Variants in RAP1GDS1 observed in about 807,000 individuals in gnomAD.
RAP1GDS1 encodes Rap1 GTPase-GDP dissociation stimulator 1.
A neutral mutation model predicts 71.1 loss-of-function variants in RAP1GDS1; 35 were observed. The ratio of observed to expected loss-of-function variants is 0.49; its 90% CI spans 0.38 to 0.65. The LOEUF is 0.65. Among genes scored for constraint, RAP1GDS1 ranks in the 30% least tolerant of loss-of-function variants. The probability of loss-of-function intolerance (pLI) is 0.00; values close to 1 mark genes in which losing one functional copy is unlikely to be tolerated. For missense variants in RAP1GDS1, 663 were observed against 706.1 expected, an observed-to-expected ratio of 0.94 and a Z score of 0.69; for synonymous variants, 229 against 243.1, an observed-to-expected ratio of 0.94 and a Z score of 0.54.
intron 2 of RAP1GDS1, among the ~76,000 whole-genome samples, chr4:98,319,238 G>C (rs1359125038): frequency 6.6e-6 from 1 of 152,134 alleles, no homozygotes; most frequent in Non-Finnish European, 1.5e-5. Flanking sequence ...ATGAGTCATT[G>C]CATGAATCTA....
intron 2 of RAP1GDS1, among the ~76,000 whole-genome samples, chr4:98,305,288 T>C (rs937691242): frequency 2.0e-5 from 3 of 152,184 alleles, no homozygotes; most frequent in Non-Finnish European, 4.4e-5. Flanking sequence ...GCTAATTGAT[T>C]CTTCCTATCC....
chr4:98,329,008 C>T (rs1170465778), intron 2 of RAP1GDS1, among the ~76,000 whole-genome samples: 1 of 152,230 alleles, frequency 6.6e-6, no homozygotes, highest in Admixed American at 6.5e-5. Flanking sequence ...TTTTTACTCA[C>T]TCACTGTGAG....
chr4:98,404,399 A>G, intron 6 of RAP1GDS1, 78 bp from the exon 7 acceptor site: 1 of 1,352,512 alleles, frequency 7.4e-7, no homozygotes, highest in Non-Finnish European at 1.0e-6. Flanking sequence ...TAATGGTACA[A>G]AATAACTAAG....
At chr4:98,331,775 C>T (rs770094385) in intron 2 of RAP1GDS1, among the ~76,000 whole-genome samples, 78 of 152,170 alleles carry the variant, frequency 5.1e-4, no homozygotes, top group Non-Finnish European at 1.0e-3. Flanking sequence ...AATTCTAGGT[C>T]AAAAAATCTT....
chr4:98,417,825 C>G (rs1748232137), intron 9 of RAP1GDS1, among the ~76,000 whole-genome samples: 1 of 152,098 alleles, frequency 6.6e-6, no homozygotes, highest in African/African-American at 2.4e-5. Flanking sequence ...ATCTAATTAT[C>G]TGAGTATTCA....
rs555569253 is a variant in RAP1GDS1, at chr4:98,302,485, A to C, written c.112+8970A>C. 3.3e-5 allele frequency among the ~76,000 whole-genome samples: 5 copies of C among 152,340 alleles called. No individual in the cohort carries two copies. In the East Asian group the frequency reaches 9.6e-4, roughly 29 times the overall value. On this transcript the variant is annotated intron_variant, in intron 2 of 14. Transcript: ENST00000408927. The stretch of plus-strand genomic sequence containing the variant: ...GAGAAAAGATTATAATACAGAAGAT[A>C]GTCAAAAAGATCCAACATACATGCA...
chr4:98,310,539 T>A (rs1347937493), intron 2 of RAP1GDS1, among the ~76,000 whole-genome samples: 2 of 152,216 alleles, frequency 1.3e-5, no homozygotes, highest in Non-Finnish European at 2.9e-5. Context: ...AAATCTTTGA[T>A]TTTTGATTGA....
At chr4:98,402,042 C>T (rs778238789) in intron 6 of RAP1GDS1, among the ~76,000 whole-genome samples, 2 of 152,040 alleles carry the variant, frequency 1.3e-5, no homozygotes, top group Non-Finnish European at 2.9e-5. Context: ...CAACAAAGTT[C>T]CAGGGATAAA....
chr4:98,407,831 TA>T (rs35721684), intron 7 of RAP1GDS1, among the ~76,000 whole-genome samples: 21,291 of 151,686 alleles, frequency 0.14, 2,158 homozygotes, highest in African/African-American at 0.28. Context: ...ATTGAAATTT[TA>T]AAAAAAATAA....
At chr4:98,280,398 A>G (rs1724897539) in intron 1 of RAP1GDS1, among the ~76,000 whole-genome samples, 1 of 152,178 alleles carries the variant, frequency 6.6e-6, no homozygotes, top group Non-Finnish European at 1.5e-5. Flanking sequence ...TTGGCTGCAT[A>G]AATGTCTTCT....
chr4:98,431,225 G>A (rs558296184), intron 12 of RAP1GDS1, among the ~76,000 whole-genome samples: 9 of 152,220 alleles, frequency 5.9e-5, no homozygotes, highest in East Asian at 1.9e-4. Context: ...TTTAAATCCC[G>A]TACTGAAAAG....
chr4:98,377,732 A>C (rs975312865), intron 4 of RAP1GDS1, among the ~76,000 whole-genome samples: 1 of 151,748 alleles, frequency 6.6e-6, no homozygotes, highest in Non-Finnish European at 1.5e-5. Flanking sequence ...CCTTAGTTTC[A>C]GTTCTTATAT....
chr4:98,263,566 C>A (rs2110216095), intron 1 of RAP1GDS1, among the ~76,000 whole-genome samples: 1 of 152,316 alleles, frequency 6.6e-6, no homozygotes, highest in South Asian at 2.1e-4. Context: ...AGCTTTTTAG[C>A]ACTTACGTAA....
At position 98,352,490 on chromosome 4, in the gene RAP1GDS1, C is replaced by T; in HGVS notation, c.250C>T (p.Pro84Ser). 6.2e-7 allele frequency: 1 copy of T among 1,613,368 alleles called. No homozygotes were observed. The highest frequency in any genetic ancestry group is 8.5e-7 in the Non-Finnish European group (1 of 1,179,550). The change falls in exon 4 of 15, where the codon CCA becomes TCA. Residue 84 changes from proline (P) to serine (S), a missense_variant. By Grantham distance (74) the Pro-to-Ser change is moderately conservative (BLOSUM62 -1). Coordinates refer to ENST00000408927, the MANE Select transcript of RAP1GDS1 (RefSeq NM_001100427.2). ...EVAKNEFMRIPCVDAGLISPL... is the reference protein window; with the variant it reads ...EVAKNEFMRISCVDAGLISPL... ...CTTATTTTCAGAGTTTATGCGAATT[C>T]CATGTGTGGATGCTGGATTGATTTC...
At chr4:98,314,712 T>C (rs539765112) in intron 2 of RAP1GDS1, among the ~76,000 whole-genome samples, 159 of 152,254 alleles carry the variant, frequency 1.0e-3, no homozygotes, top group African/African-American at 3.7e-3. Context: ...ATAAGTAATA[T>C]ATAAGTTTTA....
chr4:98,286,356 T>TA (rs1242589565), intron 1 of RAP1GDS1, among the ~76,000 whole-genome samples: 2 of 152,052 alleles, frequency 1.3e-5, no homozygotes, highest in Admixed American at 6.6e-5. Context: ...GATTAGGCTC[T>TA]CTCTGTGTAG....
At chr4:98,349,262 A>C (rs1012768655) in intron 3 of RAP1GDS1, among the ~76,000 whole-genome samples, 3 of 152,188 alleles carry the variant, frequency 2.0e-5, no homozygotes, top group African/African-American at 7.2e-5. Context: ...GGTTTGTCAA[A>C]GATCAGATGG....
At chr4:98,329,435 T>C (rs1033635716) in intron 2 of RAP1GDS1, among the ~76,000 whole-genome samples, 2 of 152,152 alleles carry the variant, frequency 1.3e-5, no homozygotes, top group African/African-American at 4.8e-5. Context: ...AGTTTATTAG[T>C]GTTCTAGAAA....
intron 5 of RAP1GDS1, among the ~76,000 whole-genome samples, chr4:98,381,898 T>C (rs1742080489): frequency 6.6e-6 from 1 of 151,526 alleles, no homozygotes; most frequent in Non-Finnish European, 1.5e-5. Flanking sequence ...GAAGAGAATA[T>C]TTTCAAATTA....
Sources: allele counts gnomAD v4.1 joint callset (sites outside exome capture counted in the v4.1 genomes callset), GRCh38; gene constraint gnomAD v4.1.1; transcripts MANE v1.5; gene names NCBI Gene and HGNC (gene_info 2026-07-23, HGNC 2026-07-21).